Variants in SFXN1 observed in about 807,000 individuals in gnomAD.
SFXN1 encodes the protein sideroflexin 1, also known as sideroflexin-1.
In SFXN1, 32 loss-of-function variants were observed where a neutral mutation model predicts 39.5. The observed-to-expected ratio is 0.81, with a 90% CI of 0.61 to 1.09. SFXN1 has a LOEUF of 1.09. Ranked by LOEUF, SFXN1 falls within the 50% of genes least tolerant of loss-of-function variation. The pLI, the probability that SFXN1 is intolerant of heterozygous loss-of-function variation, is 0.00. For synonymous variants in SFXN1, 136 were observed against 146.5 expected (o/e 0.93, Z 0.52); for missense variants, 402 against 407.1 (o/e 0.99, Z 0.11).
rs748714826 is a variant in SFXN1 at position 175,513,441 on chromosome 5, CTG to C, written c.597-20_597-19del. The C allele has an allele frequency of 1.2e-6, 2 of 1,608,310 alleles. No individual in the cohort carries two copies. Among genetic ancestry groups the C allele is most frequent in the African/African-American group, 2.7e-5 (2 of 74,670 alleles). ...TTATTGAAGGCATTGGTGGAGCTCT[CTG>C]TATGTGTTTTGCTCTGCAGGGAACT... is the stretch of plus-strand genomic sequence containing the variant. On this transcript the variant is annotated intron_variant, in intron 6 of 10. Transcript: ENST00000321442.
chr5:175,487,048 G>A (rs966275094), intron 1 of SFXN1, among the ~76,000 whole-genome samples: 5 of 152,196 alleles, frequency 3.3e-5, no homozygotes, highest in East Asian at 1.9e-4. Context: ...TCTTCACCGG[G>A]GAACATCACA....
Position 175,528,871 on chromosome 5 carries a change from C to CT in SFXN1, c.*2138dup, listed in dbSNP as rs2113378190. On this transcript the variant is annotated 3_prime_UTR_variant, in exon 11 of 11. Coordinates refer to ENST00000321442, the MANE Select transcript of SFXN1 (RefSeq NM_022754.7). Reference sequence around the variant, plus strand: ...GCTGAAGGGCTCTTTTCATAAGAAGCTAAGGCACTGCTGCCTGCCCCAGGT... The same window carrying CT: ...GCTGAAGGGCTCTTTTCATAAGAAGCTTAAGGCACTGCTGCCTGCCCCAGGT... 6.6e-6 allele frequency: 1 copy of CT among 152,402 alleles called. No individual in the cohort carries two copies. Among genetic ancestry groups the CT allele is most frequent in the Non-Finnish European group, 1.5e-5 (1 of 68,116 alleles). The allele number at this position is 152,402 out of a possible 1,614,324, so 9.4% of individuals were successfully genotyped here. A position where few individuals can be genotyped will look rare whatever the true frequency, so the allele number is the denominator to read the frequency against.
At chr5:175,493,468 A>G (rs899639403) in intron 2 of SFXN1, among the ~76,000 whole-genome samples, 2 of 152,196 alleles carry the variant, frequency 1.3e-5, no homozygotes, top group South Asian at 2.1e-4. Context: ...ACGACAGTCA[A>G]TAAACACTGA....
intron 2 of SFXN1, among the ~76,000 whole-genome samples, chr5:175,504,070 G>A (rs1760197836): frequency 6.6e-6 from 1 of 151,676 alleles, no homozygotes; most frequent in Non-Finnish European, 1.5e-5. Flanking sequence ...TGGGGGAAGG[G>A]AGAGAGGGAT....
At chr5:175,496,869 G>C (rs186915660) in intron 2 of SFXN1, among the ~76,000 whole-genome samples, 87 of 151,466 alleles carry the variant, frequency 5.7e-4, no homozygotes, top group Middle Eastern at 3.4e-3. Flanking sequence ...TGGGGTATTT[G>C]TTAGGTTCTG....
chr5:175,523,646 G>A (rs528929602), intron 10 of SFXN1: 2 of 152,200 alleles, frequency 1.3e-5, no homozygotes, highest in East Asian at 3.9e-4. Context: ...TTTTCTTTGA[G>A]TGCTGCAAGA....
chr5:175,508,878 A>G (rs1760408844), intron 2 of SFXN1, among the ~76,000 whole-genome samples, 154 bp from the exon 3 acceptor site: 1 of 148,658 alleles, frequency 6.7e-6, no homozygotes, highest in Non-Finnish European at 1.5e-5. Context: ...CTTGTGATCC[A>G]CCTGCCTCAG....
In SFXN1 at chr5:175,492,188, T is replaced by G. The variant is rs1229823498; in HGVS notation, c.85T>G (p.Phe29Val). The G allele has an allele frequency of 1.2e-6, 2 of 1,614,022 alleles. No homozygotes were observed. Among genetic ancestry groups the G allele is most frequent in the Non-Finnish European group, 1.7e-6 (2 of 1,180,032 alleles). ...STFIGRANHF[F>V]TVTDPRNILL... ...TTTCATTGGACGAGCCAATCATTTCTTCACTGTAACTGACCCCAGGAACAT... is the reference window on the plus strand; with the variant it reads ...TTTCATTGGACGAGCCAATCATTTCGTCACTGTAACTGACCCCAGGAACAT... The change falls in exon 2 of 11, where the codon TTC becomes GTC. Residue 29 changes from phenylalanine to valine, a missense_variant. Phe to Val is a conservative substitution (Grantham distance 50). Transcript: ENST00000321442.
chr5:175,481,049 T>C (rs1412344844), intron 1 of SFXN1, among the ~76,000 whole-genome samples: 1 of 152,250 alleles, frequency 6.6e-6, no homozygotes, highest in Non-Finnish European at 1.5e-5. Flanking sequence ...TGTAAAATAG[T>C]TTTATAGACT....
intron 2 of SFXN1, among the ~76,000 whole-genome samples, chr5:175,501,733 G>C (rs1455617998): frequency 6.6e-6 from 1 of 152,126 alleles, no homozygotes; most frequent in Non-Finnish European, 1.5e-5. Context: ...ATGGAACTAT[G>C]CTCAGCATAT....
intron 1 of SFXN1, among the ~76,000 whole-genome samples, chr5:175,486,373 C>G (rs1442709040): frequency 6.6e-6 from 1 of 152,236 alleles, no homozygotes. Flanking sequence ...GTTATTTCCC[C>G]TCTGGACCTC....
At chr5:175,526,155 T>C (rs1013386955) in intron 10 of SFXN1, among the ~76,000 whole-genome samples, 2 of 151,964 alleles carry the variant, frequency 1.3e-5, no homozygotes, top group Non-Finnish European at 2.9e-5. Context: ...ATTTTAGTAT[T>C]TTTTGAAATT....
chr5:175,498,310 G>A (rs1171272553), intron 2 of SFXN1, among the ~76,000 whole-genome samples: 1 of 152,042 alleles, frequency 6.6e-6, no homozygotes, highest in African/African-American at 2.4e-5. Context: ...GGATACTGAC[G>A]GCTTTAATCA....
At chr5:175,518,535 G>A (rs946606028) in intron 8 of SFXN1, among the ~76,000 whole-genome samples, 8 of 152,172 alleles carry the variant, frequency 5.3e-5, no homozygotes, top group Non-Finnish European at 1.0e-4. Context: ...AATACGCAGC[G>A]TTTAAAGTTT....
intron 1 of SFXN1, 127 bp downstream of exon 1, chr5:175,478,766 C>T (rs1276967753): frequency 6.6e-6 from 1 of 150,836 alleles, no homozygotes; most frequent in Admixed American, 6.6e-5. Flanking sequence ...ACCCCGGGCT[C>T]GGAGGTCGGA....
At chr5:175,522,239 C>T in intron 9 of SFXN1, 136 bp from the exon 10 acceptor site, 1 of 862,970 alleles carries the variant, frequency 1.2e-6, no homozygotes, top group Non-Finnish European at 1.7e-6. Flanking sequence ...CTTACACAAA[C>T]AGGACTTATT....
intron 1 of SFXN1, among the ~76,000 whole-genome samples, chr5:175,487,475 C>G (rs1470999019): frequency 2.6e-5 from 4 of 152,112 alleles, no homozygotes; most frequent in Non-Finnish European, 5.9e-5. Flanking sequence ...TTTGGCCAGT[C>G]GGGCTACCAA....
rs772108936 is a variant in SFXN1, at chr5:175,526,657, T to C, written c.892T>C (p.Leu298=). The stretch of plus-strand genomic sequence containing the variant: ...TCCCAGTTCCATGTCTGTGACAAGC[T>C]TGGAGGCCGAGTTGCAAGCTAAGAT... ...PQKSSMSVTS[L]EAELQAKIQE... is the part of the protein sequence containing the mutation. The change falls in exon 11 of 11, where the codon TTG becomes CTG. Residue 298 remains leucine (L), a synonymous_variant. Coordinates refer to ENST00000321442, the MANE Select transcript of SFXN1 (RefSeq NM_022754.7). 31 of 1,614,224 alleles carry C rather than the reference T, an allele frequency of 1.9e-5. No homozygotes were observed. The South Asian group carries it at 3.4e-4, about 18-fold the overall frequency.
At chr5:175,484,319 T>C (rs547341816) in intron 1 of SFXN1, 3 of 152,426 alleles carry the variant, frequency 2.0e-5, no homozygotes, top group African/African-American at 7.2e-5. Flanking sequence ...AGCCAGACCA[T>C]GGAAAAACAA....
Sources: gnomAD v4.1 joint callset for allele counts (sites outside exome capture counted in the v4.1 genomes callset) on GRCh38, gnomAD v4.1.1 for gene constraint, MANE v1.5 for transcripts, NCBI Gene and HGNC (gene_info 2026-07-23, HGNC 2026-07-21) for gene names.